DOCK7: variants seen among roughly 807,000 people sequenced by gnomAD.
DOCK7 encodes the protein dedicator of cytokinesis 7.
DOCK7 carries 138 observed loss-of-function variants against 271.0 expected under a neutral mutation model. The ratio of observed to expected loss-of-function variants is 0.51; its 90% CI spans 0.44 to 0.59. DOCK7 has a LOEUF of 0.59. Ranked by LOEUF, DOCK7 falls within the 20% of genes least tolerant of loss-of-function variation. The pLI, the probability that DOCK7 is intolerant of heterozygous loss-of-function variation, is 0.00. For missense variants in DOCK7, 2,066 were observed against 2,592.4 expected (o/e 0.80, Z 4.41); for synonymous variants, 823 against 876.1 (o/e 0.94, Z 1.07).
At position 62,529,356 on chromosome 1, in the gene DOCK7, T is replaced by A. The variant is rs767516398; in HGVS notation, c.3702A>T (p.Ile1234=). The A allele has an allele frequency of 6.2e-7, 1 of 1,613,766 alleles. No individual in the cohort carries two copies. Among genetic ancestry groups the A allele is most frequent in the Non-Finnish European group, 8.5e-7 (1 of 1,179,938 alleles). Residue 1234 remains isoleucine, a synonymous_variant, in exon 30 of 50, where the codon ATA becomes ATT. Transcript: ENST00000635253. ...GATACAACATGGCCACTCGAGCCTT[T>A]ATCTGAGGGTCAGAGTACCGCGGGT... is the stretch of plus-strand genomic sequence containing the variant. ...DSDPRYSDPQ[I]KARVAMLYLP... is the part of the protein sequence containing the mutation.
intron 43 of DOCK7, chr1:62,483,892 C>G (rs1385038415): frequency 6.6e-6 from 1 of 152,114 alleles, no homozygotes; most frequent in Non-Finnish European, 1.5e-5. Context: ...GTTTTACTTT[C>G]TCCTTTAGAG....
At chr1:62,458,849 G>C (rs1198649433) in intron 48 of DOCK7, 1 of 152,060 alleles carries the variant, frequency 6.6e-6, no homozygotes, top group Non-Finnish European at 1.5e-5. Flanking sequence ...AGATTTTGAT[G>C]ACAGTCCTTT....
chr1:62,457,157 G>A (rs1645370370), intron 49 of DOCK7, among the ~76,000 whole-genome samples: 2 of 152,180 alleles, frequency 1.3e-5, no homozygotes, highest in East Asian at 3.8e-4. Flanking sequence ...AAAATTCCAA[G>A]TTAATGACAA....
chr1:62,544,860 C>A, intron 23 of DOCK7, 87 bp downstream of exon 23: 4 of 1,016,752 alleles, frequency 3.9e-6, no homozygotes, highest in Admixed American at 3.1e-5. Context: ...AAAAAGCAAG[C>A]CACTGAAATC....
chr1:62,681,184 A>T (rs1273693299), intron 1 of DOCK7, among the ~76,000 whole-genome samples: 5 of 152,080 alleles, frequency 3.3e-5, no homozygotes, highest in African/African-American at 4.8e-5. Flanking sequence ...GCACATATAC[A>T]CCATGGAATA....
intron 42 of DOCK7, 90 bp downstream of exon 42, chr1:62,488,844 G>A (rs768611132): frequency 1.1e-5 from 16 of 1,517,036 alleles, no homozygotes; most frequent in Middle Eastern, 1.7e-4. Flanking sequence ...GTCATTTCAC[G>A]GGATCTAGTT....
At chr1:62,548,869 A>G (rs1187233921) in intron 22 of DOCK7, among the ~76,000 whole-genome samples, 1 of 152,252 alleles carries the variant, frequency 6.6e-6, no homozygotes, top group Non-Finnish European at 1.5e-5. Context: ...GGAGATGGAA[A>G]GAAGTGTCTC....
chr1:62,542,543 T>C, intron 25 of DOCK7, 65 bp downstream of exon 25: 1 of 1,467,298 alleles, frequency 6.8e-7, no homozygotes, highest in Non-Finnish European at 9.4e-7. Flanking sequence ...AGGTAACAAA[T>C]GAGCTAGCAT....
intron 25 of DOCK7, among the ~76,000 whole-genome samples, chr1:62,541,639 T>C (rs914517264): frequency 2.6e-5 from 4 of 152,158 alleles, no homozygotes; most frequent in African/African-American, 7.2e-5. Flanking sequence ...CAGTATATAA[T>C]ATGAATAACA....
In DOCK7 at chr1:62,513,840, A is replaced by G; in HGVS notation, c.3995T>C (p.Leu1332Pro). The G allele has an allele frequency of 6.2e-7, 1 of 1,614,134 alleles. No homozygotes were observed. The highest frequency in any genetic ancestry group is 8.5e-7 in the Non-Finnish European group (1 of 1,179,992). ...ATCTGCATTTTTGAGAACCCAAAGTAGACAGATCAAAAGGCTTCGACTTGA... is the reference window on the plus strand; with the variant it reads ...ATCTGCATTTTTGAGAACCCAAAGTGGACAGATCAAAAGGCTTCGACTTGA... ...AESSRSLLIC[L>P]LWVLKNADET... Residue 1332 changes from leucine (L) to proline (P), a missense_variant, in exon 32 of 50, where the codon CTA (leucine) becomes CCA (proline). Leu to Pro is a moderately conservative substitution (Grantham distance 98). Transcript: ENST00000635253.
At chr1:62,511,794 T>G (rs1240725479) in intron 33 of DOCK7, among the ~76,000 whole-genome samples, 1 of 152,014 alleles carries the variant, frequency 6.6e-6, no homozygotes, top group Non-Finnish European at 1.5e-5. Flanking sequence ...ATTAAGATAG[T>G]TAGCAAAATT....
At chr1:62,564,125 G>A (rs770260515) in intron 18 of DOCK7, among the ~76,000 whole-genome samples, 17 of 152,000 alleles carry the variant, frequency 1.1e-4, no homozygotes, top group Non-Finnish European at 2.4e-4. Context: ...AACGGTGGGA[G>A]ACTTTAACAC....
intron 14 of DOCK7, among the ~76,000 whole-genome samples, chr1:62,614,306 G>T (rs530025250): frequency 6.6e-6 from 1 of 152,014 alleles, no homozygotes; most frequent in African/African-American, 2.4e-5. Context: ...ACCTATGCTA[G>T]GTTTCTAGAT....
chr1:62,606,761 C>G (rs779997008), intron 14 of DOCK7, among the ~76,000 whole-genome samples: 4 of 152,098 alleles, frequency 2.6e-5, no homozygotes, highest in Non-Finnish European at 5.9e-5. Flanking sequence ...GACCCTCAGA[C>G]ATTCTATCTG....
intron 33 of DOCK7, chr1:62,511,008 C>A (rs1644466962): frequency 2.4e-5 from 5 of 204,380 alleles, no homozygotes; most frequent in Non-Finnish European, 4.9e-5. Context: ...CTCTTGCTTA[C>A]CGCTTTCTGT....
intron 22 of DOCK7, among the ~76,000 whole-genome samples, chr1:62,546,066 G>A (rs1645698216): frequency 6.6e-6 from 1 of 152,130 alleles, no homozygotes; most frequent in African/African-American, 2.4e-5. Flanking sequence ...ATCAGGACAT[G>A]AGTACAGACC....
intron 37 of DOCK7, among the ~76,000 whole-genome samples, chr1:62,500,952 G>C (rs1156472596): frequency 2.0e-5 from 3 of 152,158 alleles, no homozygotes; most frequent in African/African-American, 7.2e-5. Context: ...TGGGAGAACA[G>C]CTTGAGCCCA....
At chr1:62,625,040 T>C in intron 12 of DOCK7, 2 of 390,756 alleles carry the variant, frequency 5.1e-6, no homozygotes, top group Non-Finnish European at 9.0e-6. Context: ...TTAGTCATGG[T>C]CAACATTTCA....
intron 33 of DOCK7, among the ~76,000 whole-genome samples, chr1:62,512,583 T>C (rs886617390): frequency 3.3e-5 from 5 of 152,128 alleles, no homozygotes; most frequent in African/African-American, 4.8e-5. Context: ...TTTTGCCTTA[T>C]ATACAGGGCA....
Sources: gnomAD v4.1 joint callset for allele counts (sites outside exome capture counted in the v4.1 genomes callset) on GRCh38, gnomAD v4.1.1 for gene constraint, MANE v1.5 for transcripts, NCBI Gene and HGNC (gene_info 2026-07-23, HGNC 2026-07-21) for gene names.